TUSC3: variants seen among roughly 807,000 people sequenced by gnomAD.
TUSC3 encodes the protein tumor suppressor candidate 3.
Under a neutral mutation model 44.8 loss-of-function variants are expected in TUSC3, and 45 were observed. The observed-to-expected ratio is 1.00, with a 90% confidence interval of 0.79 to 1.29. The LOEUF is 1.29. TUSC3 is among the 50% of genes most tolerant of loss of function. The pLI is 0.00. For missense variants in TUSC3, 519 were observed against 437.9 expected, an observed-to-expected ratio of 1.19 and a Z score of -1.65; for synonymous variants, 212 against 152.9, an observed-to-expected ratio of 1.39 and a Z score of -2.85.
the TUSC3 span, among the ~76,000 whole-genome samples, chr8:15,811,134 C>T: frequency 6.6e-6 from 1 of 152,116 alleles, no homozygotes; most frequent in African/African-American, 2.4e-5. Context: ...GCGTGGTTGT[C>T]TTGTAGCATT....
At chr8:15,714,429 A>T (rs1250139859) in intron 6 of TUSC3, among the ~76,000 whole-genome samples, 2 of 152,180 alleles carry the variant, frequency 1.3e-5, no homozygotes, top group Non-Finnish European at 1.5e-5. Context: ...TTGAATTATC[A>T]CAAATTTTTA....
chr8:15,458,949 T>C (rs1800302063), intron 1 of TUSC3, among the ~76,000 whole-genome samples: 1 of 152,234 alleles, frequency 6.6e-6, no homozygotes, highest in Non-Finnish European at 1.5e-5. Flanking sequence ...CCAAGAAGAC[T>C]AAAAGAGGTT....
chr8:15,641,018 T>A (rs1422581691), intron 2 of TUSC3, among the ~76,000 whole-genome samples: 1 of 151,998 alleles, frequency 6.6e-6, no homozygotes, highest in East Asian at 1.9e-4. Flanking sequence ...CCATGTATAC[T>A]GAGTGTGTTA....
the TUSC3 span, among the ~76,000 whole-genome samples, chr8:15,817,977 G>A: frequency 2.0e-5 from 3 of 152,052 alleles, no homozygotes; most frequent in Admixed American, 6.6e-5. Flanking sequence ...TCTAGGAATG[G>A]AAAAAAGGAG....
chr8:15,806,960 C>A, the TUSC3 span: 1 of 1,468,236 alleles, frequency 6.8e-7, no homozygotes. Flanking sequence ...TCGTGTTCAT[C>A]AATCTCCAGG....
In TUSC3 at chr8:15,492,908, A is replaced by G. The variant is rs889332240; in HGVS notation, n.189+9425A>G. On this transcript the variant is annotated intron_variant and non_coding_transcript_variant, in intron 2 of 5. Transcript: ENST00000503191. ...TTATCTAGTGATAATTATCTCTTCAACAAGTCCTAAAACATCATGAAAAAA... is the reference window on the plus strand; with the variant it reads ...TTATCTAGTGATAATTATCTCTTCAGCAAGTCCTAAAACATCATGAAAAAA... 1.3e-4 allele frequency among the ~76,000 whole-genome samples: 20 copies of G among 152,180 alleles called. 1 individual carries two copies. The highest frequency in any genetic ancestry group is 4.3e-4 in the African/African-American group (18 of 41,450).
intron 1 of TUSC3, among the ~76,000 whole-genome samples, chr8:15,604,343 T>C (rs190801037): frequency 3.0e-4 from 46 of 151,766 alleles, no homozygotes; most frequent in African/African-American, 1.0e-3. Flanking sequence ...GTATTTTAAT[T>C]ATTTATGTTA....
chr8:15,522,534 A>G (rs986850566), intron 2 of TUSC3, among the ~76,000 whole-genome samples: 4 of 147,214 alleles, frequency 2.7e-5, no homozygotes, highest in African/African-American at 1.0e-4. Flanking sequence ...TGCCCAGCCT[A>G]TTCAGCCTTT....
intron 1 of TUSC3, among the ~76,000 whole-genome samples, chr8:15,475,040 C>T (rs1585058253): frequency 6.6e-6 from 1 of 152,040 alleles, no homozygotes; most frequent in East Asian, 1.9e-4. Flanking sequence ...TGGCCAATTG[C>T]TATAATTCAA....
the TUSC3 span, among the ~76,000 whole-genome samples, chr8:15,835,261 G>T: frequency 1.3e-5 from 2 of 152,044 alleles, no homozygotes; most frequent in African/African-American, 4.8e-5. Context: ...CATTTTCTAT[G>T]ATTCTTAGAA....
intron 5 of TUSC3, among the ~76,000 whole-genome samples, chr8:15,668,716 C>G (rs1807791749): frequency 6.6e-6 from 1 of 151,762 alleles, no homozygotes; most frequent in South Asian, 2.1e-4. Flanking sequence ...TTTGAATTAA[C>G]TGCAACAAAT....
chr8:15,526,393 C>T (rs543743431), intron 2 of TUSC3, among the ~76,000 whole-genome samples: 25 of 152,186 alleles, frequency 1.6e-4, no homozygotes, highest in African/African-American at 2.6e-4. Context: ...AAGATTTTCT[C>T]GTAGGAGTGT....
At chr8:15,625,747 A>T (rs1454950774) in intron 2 of TUSC3, among the ~76,000 whole-genome samples, 2 of 152,244 alleles carry the variant, frequency 1.3e-5, no homozygotes, top group Admixed American at 6.5e-5. Flanking sequence ...AAAGGGAATG[A>T]GAGTGTTCTA....
the TUSC3 span, among the ~76,000 whole-genome samples, chr8:15,832,376 C>A: frequency 6.6e-6 from 1 of 152,140 alleles, no homozygotes; most frequent in Non-Finnish European, 1.5e-5. Context: ...GCCACACAAA[C>A]AAGTCTGCAT....
intron 1 of TUSC3, among the ~76,000 whole-genome samples, chr8:15,568,019 A>G (rs1171350969): frequency 6.6e-6 from 1 of 152,062 alleles, no homozygotes; most frequent in Non-Finnish European, 1.5e-5. Context: ...CCACATTGGT[A>G]GCATATTATC....
intron 2 of TUSC3, among the ~76,000 whole-genome samples, chr8:15,511,829 C>G (rs1020198855): frequency 2.0e-5 from 3 of 151,804 alleles, no homozygotes; most frequent in Middle Eastern, 3.2e-3. Flanking sequence ...CAAGATTGCG[C>G]CACTGTACTC....
intron 10 of TUSC3, among the ~76,000 whole-genome samples, chr8:15,759,481 A>ATAAAT (rs1812080957): frequency 1.3e-5 from 2 of 152,042 alleles, no homozygotes; most frequent in South Asian, 4.1e-4. Context: ...TTAATTCAAG[A>ATAAAT]TAAATAAAAA....
chr8:15,452,078 C>A, intron 1 of TUSC3, among the ~76,000 whole-genome samples: 1 of 152,178 alleles, frequency 6.6e-6, no homozygotes, highest in East Asian at 1.9e-4. Flanking sequence ...CCTCCAACTC[C>A]TTCATGTGAC....
At chr8:15,554,047 A>G (rs1802146408) in intron 1 of TUSC3, among the ~76,000 whole-genome samples, 1 of 151,420 alleles carries the variant, frequency 6.6e-6, no homozygotes, top group Non-Finnish European at 1.5e-5. Flanking sequence ...GTGACCTCAG[A>G]TCCGTGTCTG....
Sources: gnomAD v4.1 joint callset for allele counts (sites outside exome capture counted in the v4.1 genomes callset) on GRCh38, gnomAD v4.1.1 for gene constraint, MANE v1.5 for transcripts, NCBI Gene and HGNC (gene_info 2026-07-23, HGNC 2026-07-21) for gene names.